Variants in TOP3A observed in about 807,000 individuals in gnomAD.
TOP3A encodes DNA topoisomerase III alpha.
TOP3A carries 64 observed loss-of-function variants against 111.3 expected under a neutral mutation model. The ratio of observed to expected loss-of-function variants is 0.57; its 90% CI spans 0.47 to 0.71. The LOEUF (loss-of-function observed/expected upper bound fraction) is 0.71, where lower values mean the gene tolerates loss of function less well. Among genes scored for constraint, TOP3A ranks in the 30% least tolerant of loss-of-function variants. The pLI, the probability that TOP3A is intolerant of heterozygous loss-of-function variation, is 0.00. For missense variants in TOP3A, 1,104 were observed against 1,285.0 expected (o/e 0.86, Z 2.15); for synonymous variants, 484 against 485.1 (o/e 1.00, Z 0.03).
At chr17:18,280,970 G>A (rs922240448) in intron 16 of TOP3A, among the ~76,000 whole-genome samples, 1 of 152,238 alleles carries the variant, frequency 6.6e-6, no homozygotes, top group Admixed American at 6.5e-5. Flanking sequence ...CCAAGTCTGG[G>A]CAGTGTCAGG....
At position 18,292,879 on chromosome 17, in the gene TOP3A, A is replaced by C. The variant is rs771034769; in HGVS notation, c.1074-27T>G. 5 of 1,590,068 alleles carry C rather than the reference A, an allele frequency of 3.1e-6. No homozygotes were observed. In the South Asian group the frequency reaches 3.4e-5, roughly 11 times the overall value. On this transcript the variant is annotated intron_variant, in intron 10 of 18. Coordinates refer to ENST00000321105, the MANE Select transcript of TOP3A (RefSeq NM_004618.5). ...TAAAACCAAGGCAAACAAACAGAAA[A>C]AGAAATTGCTAGGCTCTCTGATTGG...
At position 18,302,434 on chromosome 17, in the gene TOP3A, C is replaced by T; in HGVS notation, c.644G>A (p.Gly215Glu). 6.3e-7 allele frequency: 1 copy of T among 1,591,436 alleles called. No homozygotes were observed. The highest frequency in any genetic ancestry group is 8.6e-7 in the Non-Finnish European group (1 of 1,169,410). The change falls in exon 7 of 19, where the codon GGA becomes GAA. Residue 215 changes from glycine to glutamate, a missense_variant and splice_region_variant. Physicochemically the swap from Gly to Glu is moderately conservative, Grantham distance 98. Transcript: ENST00000321105. ...GGTCTGGAACCTAGTAAAGGCAGCT[C>T]CTGGAGAGTGAAGGAGAGTGAAGGA... is the stretch of plus-strand genomic sequence containing the variant. ...DVRQELDLRI[G>E]AAFTRFQTLR...
Position 18,274,900 on chromosome 17 carries a change from T to G in TOP3A, c.2908A>C (p.Ser970Arg). The G allele has an allele frequency of 6.2e-7, 1 of 1,614,212 alleles. No individual in the cohort carries two copies. Among genetic ancestry groups the G allele is most frequent in the Non-Finnish European group, 8.5e-7 (1 of 1,180,040 alleles). The change falls in exon 19 of 19, where the codon AGT becomes CGT. Residue 970 changes from serine to arginine, a missense_variant. Physicochemically the swap from Ser to Arg is moderately radical, Grantham distance 110. Transcript: ENST00000321105. Reference protein sequence around the residue: ...SEARSKRPRASSSDMGSTAKK... With the variant: ...SEARSKRPRARSSDMGSTAKK... ...GCTGTGGACCCCATGTCTGAGGAAC[T>G]GGCCCGGGGCCTTTTGCTTCTGGCT...
intron 17 of TOP3A, 84 bp from the exon 18 acceptor site, chr17:18,278,441 G>C: frequency 7.8e-7 from 1 of 1,279,592 alleles, no homozygotes; most frequent in Non-Finnish European, 1.0e-6. Context: ...TTTAGCCCTA[G>C]GCCTCTCTCC....
intron 4 of TOP3A, among the ~76,000 whole-genome samples, chr17:18,306,351 A>G (rs897033200): frequency 6.6e-6 from 1 of 152,104 alleles, no homozygotes; most frequent in Non-Finnish European, 1.5e-5. Flanking sequence ...GCTACGCGCT[A>G]ATAATTTACA....
At chr17:18,288,131 T>TTATATATATATATATATATATATA (rs142429216) in intron 13 of TOP3A, among the ~76,000 whole-genome samples, 23 of 122,726 alleles carry the variant, frequency 1.9e-4, no homozygotes, top group African/African-American at 5.1e-4. Context: ...CTGTTAATAA[T>TTATATATATATATATATATATATA]TATATATATA....
Position 18,271,786 on chromosome 17 carries a change from GTGTGATGGCTCC to G in TOP3A, c.*3004_*3015del. ...ATTTAAAAATGGGGGAAGAGACCAG[GTGTGATGGCTCC>G]TGCCTGTTAATCCTAGCACTTTGGG... is the stretch of plus-strand genomic sequence containing the variant. On this transcript the variant is annotated 3_prime_UTR_variant, in exon 19 of 19. Transcript: ENST00000321105. The G allele has an allele frequency of 2.2e-6, 1 of 451,918 alleles. No homozygotes were observed. The highest frequency in any genetic ancestry group is 4.5e-6 in the Non-Finnish European group (1 of 221,180). 28.0% of individuals were successfully genotyped at this position (451,918 alleles called of 1,614,324 possible).
intron 18 of TOP3A, among the ~76,000 whole-genome samples, chr17:18,276,954 G>A (rs962188193): frequency 2.6e-5 from 4 of 152,204 alleles, no homozygotes; most frequent in African/African-American, 9.6e-5. Context: ...GAGAGGCCAA[G>A]GCAGGTGGAT....
At position 18,292,823 on chromosome 17, in the gene TOP3A, T is replaced by C. The variant is rs543070592; in HGVS notation, c.1103A>G (p.Asn368Ser). The stretch of plus-strand genomic sequence containing the variant: ...CAGGTTTAAGTCTCTGGGAAAAATG[T>C]TTGTTTCTGTTCGGGGATAGCTGAT... ...GYISYPRTET[N>S]IFPRDLNLTV... The change falls in exon 11 of 19, where the codon AAC becomes AGC. Residue 368 changes from asparagine (N) to serine (S), a missense_variant. Coordinates refer to ENST00000321105, the MANE Select transcript of TOP3A (RefSeq NM_004618.5). 268 of 1,613,798 alleles carry C rather than the reference T, an allele frequency of 1.7e-4. 2 individuals are homozygous for C. In the South Asian group the frequency reaches 2.8e-3, roughly 17 times the overall value.
chr17:18,294,926 C>T, intron 9 of TOP3A, 141 bp from the exon 10 acceptor site: 1 of 625,940 alleles, frequency 1.6e-6, no homozygotes, highest in Non-Finnish European at 2.9e-6. Flanking sequence ...GGCTGCCCAA[C>T]AACGATTTCT....
At position 18,314,876 on chromosome 17, in the gene TOP3A, G is replaced by A; in HGVS notation, c.-98C>T. 1.3e-6 allele frequency: 1 copy of A among 751,236 alleles called. No individual in the cohort carries two copies. The highest frequency in any genetic ancestry group is 2.3e-5 in the South Asian group (1 of 44,282). The allele number at this position is 751,236 out of a possible 1,614,324, so 46.5% of individuals were successfully genotyped here. A position where few individuals can be genotyped will look rare whatever the true frequency, so the allele number is the denominator to read the frequency against. On this transcript the variant is annotated 5_prime_UTR_variant, in exon 1 of 19. Coordinates refer to ENST00000321105, the MANE Select transcript of TOP3A (RefSeq NM_004618.5). The stretch of plus-strand genomic sequence containing the variant: ...TGGCGCCCACCGAAAGGGAACCAGA[G>A]CCTCGCTTCGGTCACGTCCCCACCA...
At position 18,294,927 on chromosome 17, in the gene TOP3A, A is replaced by G. The variant is rs928085804; in HGVS notation, c.991-142T>C. On this transcript the variant is annotated intron_variant, in intron 9 of 18. Coordinates refer to ENST00000321105, the MANE Select transcript of TOP3A (RefSeq NM_004618.5). ...AACAGAGCTGAAAAGGCTGCCCAAC[A>G]ACGATTTCTGGGCCTGCCAAGCAGA... 1.1e-4 allele frequency: 69 copies of G among 622,986 alleles called. 1 individual carries two copies. The African/African-American group carries it at 1.2e-3, about 11-fold the overall frequency. 38.6% of individuals were successfully genotyped at this position (622,986 alleles called of 1,614,324 possible). A position where few individuals can be genotyped will look rare whatever the true frequency, so the allele number is the denominator to read the frequency against.
chr17:18,291,306 A>G (rs1260200467), intron 11 of TOP3A, among the ~76,000 whole-genome samples: 2 of 152,260 alleles, frequency 1.3e-5, no homozygotes, highest in African/African-American at 4.8e-5. Flanking sequence ...TAAGCAGAAA[A>G]CAAGATGAAA....
chr17:18,289,522 C>T (rs1208164904), intron 13 of TOP3A, among the ~76,000 whole-genome samples: 3 of 152,200 alleles, frequency 2.0e-5, no homozygotes, highest in African/African-American at 7.2e-5. Flanking sequence ...AGGTGATCCA[C>T]CCAGCTCAGC....
At chr17:18,299,522 T>G (rs1319322097) in intron 9 of TOP3A, 37 bp downstream of exon 9, 1 of 1,595,824 alleles carries the variant, frequency 6.3e-7, no homozygotes, top group Non-Finnish European at 8.6e-7. Flanking sequence ...ACAGTAAGTG[T>G]TCCCCGAGTG....
Position 18,273,707 on chromosome 17 carries a change from G to A in TOP3A, c.*1095C>T, listed in dbSNP as rs551717961. On this transcript the variant is annotated 3_prime_UTR_variant, in exon 19 of 19. Transcript: ENST00000321105. ...TGCAGTGGTGTGATCATGGCTTGCT[G>A]CAGCCTCAAACTCTTGGGTTCAAAG... 1.3e-5 allele frequency among the ~76,000 whole-genome samples: 2 copies of A among 152,312 alleles called. No homozygotes were observed. Among genetic ancestry groups the A allele is most frequent in the South Asian group, 4.1e-4 (2 of 4,826 alleles).
chr17:18,290,567 C>T lies in TOP3A; in HGVS notation c.1587G>A (p.Lys529=). ...TEADLIALME[K]HGIGTDATHA... ...AGAGGAGCCACTGACCAATGCCATGCTTCTCCATGAGGGCAATGAGGTCGG... is the reference window on the plus strand; with the variant it reads ...AGAGGAGCCACTGACCAATGCCATGTTTCTCCATGAGGGCAATGAGGTCGG... Residue 529 remains lysine (K), a synonymous_variant, in exon 13 of 19, where the codon AAG becomes AAA. Coordinates refer to ENST00000321105, the MANE Select transcript of TOP3A (RefSeq NM_004618.5). The T allele has an allele frequency of 2.5e-6, 4 of 1,590,868 alleles. No individual in the cohort carries two copies. The highest frequency in any genetic ancestry group is 4.5e-5 in the East Asian group (2 of 44,626).
chr17:18,276,729 C>G (rs1445906822), intron 18 of TOP3A, among the ~76,000 whole-genome samples: 1 of 152,200 alleles, frequency 6.6e-6, no homozygotes, highest in Non-Finnish European at 1.5e-5. Context: ...CTGTTGTGCA[C>G]TGGAGCAGGA....
chr17:18,299,906 T>C (rs527959212), intron 8 of TOP3A, among the ~76,000 whole-genome samples: 6 of 152,346 alleles, frequency 3.9e-5, no homozygotes, highest in African/African-American at 1.4e-4. Flanking sequence ...CAACAGCCTA[T>C]GCATCACCTG....
Sources: allele counts gnomAD v4.1 joint callset (sites outside exome capture counted in the v4.1 genomes callset), GRCh38; gene constraint gnomAD v4.1.1; transcripts MANE v1.5; gene names NCBI Gene and HGNC (gene_info 2026-07-23, HGNC 2026-07-21).